Variants in LTN1 observed in about 807,000 individuals in gnomAD.
LTN1 encodes E3 ubiquitin-protein ligase listerin.
Under a neutral mutation model 201.2 loss-of-function variants are expected in LTN1, and 88 were observed. The observed-to-expected ratio is 0.44, with a 90% CI of 0.37 to 0.52. The LOEUF is 0.52. Among genes scored for constraint, LTN1 ranks in the 20% least tolerant of loss-of-function variants. LTN1 has a pLI of 0.00. For missense variants in LTN1, 1,752 were observed against 2,038.7 expected (o/e 0.86, Z 2.71); for synonymous variants, 645 against 713.5 (o/e 0.90, Z 1.53).
chr21:28,953,141 G>T, intron 17 of LTN1, 76 bp downstream of exon 17: 1 of 996,116 alleles, frequency 1.0e-6, no homozygotes. Flanking sequence ...CATGCAGTAG[G>T]GTTACCTCTT....
At chr21:28,941,693 C>T (rs905382807) in intron 24 of LTN1, among the ~76,000 whole-genome samples, 2 of 152,098 alleles carry the variant, frequency 1.3e-5, no homozygotes, top group African/African-American at 4.8e-5. Flanking sequence ...ATGAGTCCAA[C>T]GTCTTTCAGT....
chr21:28,959,432 A>G, intron 13 of LTN1, 26 bp downstream of exon 13: 1 of 1,600,508 alleles, frequency 6.2e-7, no homozygotes, highest in South Asian at 1.1e-5. Flanking sequence ...GATTCCCAAC[A>G]AAACATTTGA....
At chr21:28,941,178 T>C in intron 25 of LTN1, 42 bp downstream of exon 25, 1 of 1,400,322 alleles carries the variant, frequency 7.1e-7, no homozygotes, top group Non-Finnish European at 1.0e-6. Flanking sequence ...ATCAGAAGCA[T>C]ATTAGGACAG....
chr21:28,958,959 T>C (rs985518965), intron 13 of LTN1, among the ~76,000 whole-genome samples: 3 of 151,822 alleles, frequency 2.0e-5, no homozygotes, highest in Non-Finnish European at 4.4e-5. Context: ...AAGGAAAGAA[T>C]GAAGGGTGGG....
rs973167310 is a variant in LTN1 at position 28,929,749 on chromosome 21, C to A, written c.*699G>T. On this transcript the variant is annotated 3_prime_UTR_variant, in exon 30 of 30. Transcript: ENST00000361371. ...AGTGATAAATTCACTGACAAGTTTACAATTCAAATTTCACTAATATATAGA... is the reference window on the plus strand; with the variant it reads ...AGTGATAAATTCACTGACAAGTTTAAAATTCAAATTTCACTAATATATAGA... 6 of 152,076 alleles carry A rather than the reference C, an allele frequency of 3.9e-5. No individual in the cohort carries two copies. Among genetic ancestry groups the A allele is most frequent in the African/African-American group, 1.4e-4 (6 of 41,432 alleles). 9.4% of individuals were successfully genotyped at this position (152,076 alleles called of 1,614,324 possible). A position where few individuals can be genotyped will look rare whatever the true frequency, so the allele number is the denominator to read the frequency against.
intron 18 of LTN1, among the ~76,000 whole-genome samples, chr21:28,951,553 G>T (rs914031922): frequency 6.6e-6 from 1 of 151,878 alleles, no homozygotes; most frequent in Non-Finnish European, 1.5e-5. Flanking sequence ...CAAAAGAAAA[G>T]ATTTCTATCA....
chr21:28,948,917 A>G (rs548151642), intron 18 of LTN1, among the ~76,000 whole-genome samples: 14 of 152,350 alleles, frequency 9.2e-5, no homozygotes, highest in African/African-American at 3.4e-4. Flanking sequence ...TGGAATTGAA[A>G]GCTCAAAGGA....
intron 6 of LTN1, among the ~76,000 whole-genome samples, chr21:28,977,841 T>C (rs1488067217): frequency 6.6e-6 from 1 of 151,072 alleles, no homozygotes; most frequent in Admixed American, 6.6e-5. Flanking sequence ...GGGAGGAGAA[T>C]TGCTTGAACC....
rs756924327 is a variant in LTN1 at position 28,970,717 on chromosome 21, T to C, written c.1010A>G (p.Lys337Arg). The C allele has an allele frequency of 6.2e-7, 1 of 1,613,884 alleles. No individual in the cohort carries two copies. The highest frequency in any genetic ancestry group is 2.2e-5 in the East Asian group (1 of 44,864). Residue 337 changes from lysine (K) to arginine (R), a missense_variant, in exon 8 of 30, where the codon AAA becomes AGA. Around this residue, in one of 3 missense-constraint regions of LTN1, gnomAD observed 1,211 missense variants for 1,312.8 expected, o/e 0.92. Transcript: ENST00000361371. ...IEDCWLHVNA[K>R]KSVFPKLSTV... ...TGATAGCTTGGGAAACACACTCTTT[T>C]TTGCATTTACATGAAGCCAACAGTC...
chr21:28,991,749 A>G (rs534644853), intron 1 of LTN1, among the ~76,000 whole-genome samples: 161 of 152,256 alleles, frequency 1.1e-3, no homozygotes, highest in Non-Finnish European at 1.9e-3. Flanking sequence ...TAATACTGTT[A>G]TTATCTTCCA....
chr21:28,984,983 TTC>T, intron 3 of LTN1, 61 bp from the exon 4 acceptor site: 1 of 1,235,544 alleles, frequency 8.1e-7, no homozygotes, highest in Admixed American at 2.1e-5. Context: ...TCACAGACAT[TTC>T]CGGATATGCT....
Position 28,983,719 on chromosome 21 carries a change from T to C in LTN1, c.576+973A>G, listed in dbSNP as rs1247886924. On this transcript the variant is annotated intron_variant, in intron 4 of 29. Transcript: ENST00000361371. Reference sequence around the variant, plus strand: ...AGGAAAGCAGGGGGAGAGGGTCAGATGGAAATGTTTAAGTAGGGTTATACA... The same window carrying C: ...AGGAAAGCAGGGGGAGAGGGTCAGACGGAAATGTTTAAGTAGGGTTATACA... Among the ~76,000 whole-genome samples the C allele has an allele frequency of 2.0e-5, 3 of 152,118 alleles. No homozygotes were observed. In the South Asian group the frequency reaches 6.2e-4, roughly 31 times the overall value.
chr21:28,988,505 T>C (rs925680685), intron 1 of LTN1, among the ~76,000 whole-genome samples: 5 of 151,164 alleles, frequency 3.3e-5, no homozygotes, highest in African/African-American at 4.9e-5. Flanking sequence ...AGCAAAAGTG[T>C]GTTTGGAAAA....
chr21:28,936,083 T>C (rs2084254669), intron 26 of LTN1, among the ~76,000 whole-genome samples: 1 of 152,324 alleles, frequency 6.6e-6, no homozygotes, highest in East Asian at 1.9e-4. Context: ...ACTCACAAGA[T>C]GCAGTCCATC....
At chr21:28,970,297 G>C (rs947710521) in intron 8 of LTN1, among the ~76,000 whole-genome samples, 1 of 152,126 alleles carries the variant, frequency 6.6e-6, no homozygotes, top group African/African-American at 2.4e-5. Flanking sequence ...TTAAAAAAAT[G>C]GCTAATTTGA....
At chr21:28,960,385 GAAAAA>G (rs569987383) in intron 12 of LTN1, 127 bp downstream of exon 12, 2 of 526,250 alleles carry the variant, frequency 3.8e-6, no homozygotes, top group Admixed American at 8.3e-5. Flanking sequence ...GAAAAGAAAA[GAAAAA>G]AAAAAATTTG....
At chr21:28,976,552 A>G (rs565305741) in intron 6 of LTN1, among the ~76,000 whole-genome samples, 1 of 151,278 alleles carries the variant, frequency 6.6e-6, no homozygotes, top group Admixed American at 6.6e-5. Flanking sequence ...GTGAGCCAAG[A>G]TGACACCACG....
intron 21 of LTN1, among the ~76,000 whole-genome samples, chr21:28,945,175 C>T (rs768765618): frequency 3.3e-5 from 5 of 151,966 alleles, no homozygotes; most frequent in Non-Finnish European, 7.4e-5. Context: ...GAGCCAAGAT[C>T]GCACCATTGC....
intron 18 of LTN1, among the ~76,000 whole-genome samples, chr21:28,948,330 C>A (rs1412786094): frequency 7.3e-6 from 1 of 137,684 alleles, no homozygotes; most frequent in African/African-American, 2.8e-5. Flanking sequence ...GGGTGCAATG[C>A]ACGATCTCAG....
Sources: allele counts gnomAD v4.1 joint callset (sites outside exome capture counted in the v4.1 genomes callset), GRCh38; gene constraint gnomAD v4.1.1; regional missense constraint gnomAD v4.1.1; transcripts MANE v1.5; gene names NCBI Gene and HGNC (gene_info 2026-07-23, HGNC 2026-07-21).